The following POU2F3 variants were observed in gnomAD, a reference collection of about 807,000 sequenced individuals.
POU2F3 encodes the protein POU domain, class 2, transcription factor 3.
Under a neutral mutation model 59.2 loss-of-function variants are expected in POU2F3, and 23 were observed. The ratio of observed to expected loss-of-function variants is 0.39; its 90% CI spans 0.28 to 0.55. The LOEUF is 0.55. POU2F3 is among the 20% of genes least tolerant of loss of function. POU2F3 has a pLI of 0.66. For missense variants in POU2F3, 473 were observed against 544.5 expected, an observed-to-expected ratio of 0.87 and a Z score of 1.31; for synonymous variants, 190 against 214.6, an observed-to-expected ratio of 0.89 and a Z score of 1.00.
At position 120,299,615 on chromosome 11, in the gene POU2F3, C is replaced by G; in HGVS notation, c.259-9C>G. ...ATTCTGTGGTGTATGTGTATCTCTC[C>G]GTGTGTAGGACATGGCTTCCCTCCA... On this transcript the variant is annotated splice_polypyrimidine_tract_variant and intron_variant, in intron 4 of 12. Transcript: ENST00000543440. The G allele has an allele frequency of 6.2e-7, 1 of 1,611,186 alleles. No homozygotes were observed. Among genetic ancestry groups the G allele is most frequent in the Non-Finnish European group, 8.5e-7 (1 of 1,178,402 alleles).
At chr11:120,243,675 G>A (rs7127787) in intron 1 of POU2F3, among the ~76,000 whole-genome samples, 4 of 152,156 alleles carry the variant, frequency 2.6e-5, no homozygotes, top group Admixed American at 6.5e-5. Context: ...AGGGAGTTTC[G>A]GTGTTGGCCC....
chr11:120,266,354 T>C (rs747490922), intron 2 of POU2F3, among the ~76,000 whole-genome samples: 1 of 152,162 alleles, frequency 6.6e-6, no homozygotes, highest in Non-Finnish European at 1.5e-5. Context: ...CCCTCCCACT[T>C]GAGCTATTGC....
intron 2 of POU2F3, 86 bp from the exon 3 acceptor site, chr11:120,269,124 G>A: frequency 5.9e-6 from 6 of 1,024,954 alleles, no homozygotes; most frequent in Non-Finnish European, 8.8e-6. Context: ...AGAGCCACAC[G>A]CCTCTCAACA....
chr11:120,236,779 A>AGGAATAAAGATTGCTCACCAT (rs1259957725), upstream of POU2F3: 16 of 1,373,308 alleles, frequency 1.2e-5, no homozygotes, highest in Non-Finnish European at 1.6e-5. Context: ...CTGAGAGAGA[A>AGGAATAAAGATTGCTCACCAT]GGAATAAAGA....
chr11:120,265,648 A>G (rs759398198), intron 2 of POU2F3, among the ~76,000 whole-genome samples: 2 of 152,194 alleles, frequency 1.3e-5, no homozygotes, highest in Non-Finnish European at 2.9e-5. Flanking sequence ...GTGCTTACAC[A>G]CCTTTTTCAT....
chr11:120,282,284 G>T (rs1477164437), intron 3 of POU2F3, among the ~76,000 whole-genome samples: 1 of 152,216 alleles, frequency 6.6e-6, no homozygotes, highest in African/African-American at 2.4e-5. Flanking sequence ...ACCTAACAGG[G>T]TGGTTTTTGA....
rs12226448 is a variant in POU2F3 at position 120,267,005 on chromosome 11, T to C, written c.98-2205T>C. 0.029 allele frequency among the ~76,000 whole-genome samples: 4,485 copies of C among 152,320 alleles called. 895 individuals carry two copies. The East Asian group carries it at 0.55, about 19-fold the overall frequency. ...TGAACATTACTCCTTATTAACCCAA[T>C]GTTACAACATCACAATGTCACAAAG... On this transcript the variant is annotated intron_variant, in intron 2 of 12. Transcript: ENST00000543440.
chr11:120,278,753 A>G (rs1313703692), intron 3 of POU2F3, among the ~76,000 whole-genome samples: 1 of 152,168 alleles, frequency 6.6e-6, no homozygotes, highest in African/African-American at 2.4e-5. Context: ...CATGGACACA[A>G]GGGCCTGTCA....
upstream of POU2F3, among the ~76,000 whole-genome samples, chr11:120,237,187 A>G (rs1306994359): frequency 6.6e-6 from 1 of 152,178 alleles, no homozygotes; most frequent in African/African-American, 2.4e-5. Flanking sequence ...CCTTCCATCT[A>G]AAGTGGCACT....
At chr11:120,286,150 G>A (rs1314108028) in intron 3 of POU2F3, among the ~76,000 whole-genome samples, 7 of 152,250 alleles carry the variant, frequency 4.6e-5, no homozygotes, top group African/African-American at 1.7e-4. Context: ...CTACCAGAGG[G>A]CTGGGATTAC....
intron 4 of POU2F3, 122 bp from the exon 5 acceptor site, chr11:120,299,502 C>G: frequency 1.3e-6 from 1 of 757,522 alleles, no homozygotes; most frequent in Middle Eastern, 2.7e-4. Flanking sequence ...GTGGCATAAA[C>G]CAAGGTCAGC....
chr11:120,285,700 A>G lies in POU2F3; in HGVS notation c.133-12565A>G, dbSNP rs1327649627. ...TATGTCTGGAAGACTTTTTCTCTGGATATATATTACAAATGGAAATGTATA... is the reference window on the plus strand; with the variant it reads ...TATGTCTGGAAGACTTTTTCTCTGGGTATATATTACAAATGGAAATGTATA... On this transcript the variant is annotated intron_variant, in intron 3 of 12. Coordinates refer to ENST00000543440, the MANE Select transcript of POU2F3 (RefSeq NM_014352.4). This position sits in a 1 kb window ranked among gnomAD's most constrained non-coding sequence, Gnocchi z 4.3. 6.6e-6 allele frequency among the ~76,000 whole-genome samples: 1 copy of G among 152,172 alleles called. No individual in the cohort carries two copies. Among genetic ancestry groups the G allele is most frequent in the Non-Finnish European group, 1.5e-5 (1 of 68,036 alleles).
chr11:120,305,649 T>C lies in POU2F3; in HGVS notation c.633T>C (p.Asp211=). The C allele has an allele frequency of 1.9e-6, 3 of 1,613,806 alleles. No individual in the cohort carries two copies. Among genetic ancestry groups the C allele is most frequent in the South Asian group, 1.1e-5 (1 of 91,064 alleles). ...CCCTCGGTCCCCACGCTTAGGGAGA[T>C]GTGGGGCTGGCGATGGGAAAGCTGT... is the stretch of plus-strand genomic sequence containing the variant. The part of the protein sequence containing the change: ...RRIKLGFTQG[D]VGLAMGKLYG... Residue 211 remains aspartate (D), a synonymous_variant, in exon 8 of 13, where the codon GAT becomes GAC. Transcript: ENST00000543440.
intron 7 of POU2F3, 81 bp downstream of exon 7, chr11:120,305,293 G>A (rs1004356659): frequency 2.3e-5 from 34 of 1,494,172 alleles, no homozygotes; most frequent in African/African-American, 1.8e-4. Flanking sequence ...TTTCAAGAGC[G>A]ACCAGAGGCT....
intron 3 of POU2F3, among the ~76,000 whole-genome samples, chr11:120,274,476 T>A (rs549029514): frequency 1.3e-5 from 2 of 152,320 alleles, no homozygotes; most frequent in Admixed American, 6.5e-5. Flanking sequence ...AGGTTGGGCA[T>A]GGACAGCAAA....
intron 2 of POU2F3, among the ~76,000 whole-genome samples, chr11:120,266,497 T>C (rs1272667623): frequency 6.6e-6 from 1 of 152,078 alleles, no homozygotes; most frequent in African/African-American, 2.4e-5. Context: ...ATTGCAGTCT[T>C]TATCACGACC....
chr11:120,295,680 G>A (rs1220332187), intron 3 of POU2F3, among the ~76,000 whole-genome samples: 1 of 152,214 alleles, frequency 6.6e-6, no homozygotes, highest in African/African-American at 2.4e-5. Flanking sequence ...AGAAGAACTA[G>A]GACACCAGAG....
intron 10 of POU2F3, among the ~76,000 whole-genome samples, chr11:120,313,321 G>A (rs1257659496): frequency 5.9e-5 from 9 of 152,226 alleles, no homozygotes; most frequent in Non-Finnish European, 2.9e-5. Flanking sequence ...CAACGTTCCA[G>A]GCACCGTAGA....
upstream of POU2F3, among the ~76,000 whole-genome samples, chr11:120,238,616 C>T (rs1428350718): frequency 6.6e-6 from 1 of 151,950 alleles, no homozygotes; most frequent in East Asian, 1.9e-4. Context: ...GCGGGTGGAT[C>T]ACGAGGTCAG....
Sources: gnomAD v4.1 joint callset for allele counts (sites outside exome capture counted in the v4.1 genomes callset) on GRCh38, gnomAD v4.1.1 for gene constraint, Gnocchi (gnomAD v3.1) non-coding constraint, MANE v1.5 for transcripts, NCBI Gene and HGNC (gene_info 2026-07-23, HGNC 2026-07-21) for gene names.